RANBP17: variants seen among roughly 807,000 people sequenced by gnomAD.
RANBP17 encodes RAN binding protein 17.
RANBP17 carries 158 observed loss-of-function variants against 141.2 expected under a neutral mutation model. The observed-to-expected ratio is 1.12, with a 90% CI of 0.98 to 1.28. The LOEUF is 1.28. Among genes scored for constraint, RANBP17 ranks in the 50% most tolerant of loss-of-function variants. The probability of loss-of-function intolerance (pLI) is 0.00; values close to 1 mark genes in which losing one functional copy is unlikely to be tolerated. For missense variants in RANBP17, 1,438 were observed against 1,290.7 expected (o/e 1.11, Z -1.75); for synonymous variants, 430 against 450.0 (o/e 0.96, Z 0.56).
At position 171,295,616 on chromosome 5, in the gene RANBP17, AGAG is replaced by A. The variant is rs575300579; in HGVS notation, c.3043-266_3043-264del. Among the ~76,000 whole-genome samples the A allele has an allele frequency of 6.6e-5, 10 of 152,328 alleles. No individual in the cohort carries two copies. The East Asian group carries it at 1.9e-3, about 29-fold the overall frequency. On this transcript the variant is annotated intron_variant, in intron 26 of 27. Coordinates refer to ENST00000523189, the MANE Select transcript of RANBP17 (RefSeq NM_022897.5). ...GAAAAGCATGCATTCAGTCCCCCAC[AGAG>A]GAGGCAAGGACTTCATCAGCCTAAG...
chr5:171,195,018 G>A (rs575257450), intron 18 of RANBP17, among the ~76,000 whole-genome samples: 61 of 152,116 alleles, frequency 4.0e-4, no homozygotes, highest in Non-Finnish European at 7.5e-4. Context: ...GAGACACAGC[G>A]GAGGTGATTA....
intron 14 of RANBP17, among the ~76,000 whole-genome samples, chr5:170,982,840 G>A (rs1472633502): frequency 6.6e-6 from 1 of 152,140 alleles, no homozygotes. Flanking sequence ...AGCTTCCAGA[G>A]AGAAGAGGGG....
intron 16 of RANBP17, among the ~76,000 whole-genome samples, chr5:171,173,106 A>G (rs962716027): frequency 1.3e-5 from 2 of 152,036 alleles, no homozygotes; most frequent in Middle Eastern, 3.2e-3. Flanking sequence ...CAGTTATTTG[A>G]ATTATAAATC....
chr5:171,176,630 A>T (rs1760501118), intron 16 of RANBP17, among the ~76,000 whole-genome samples: 1 of 152,200 alleles, frequency 6.6e-6, no homozygotes, highest in Admixed American at 6.6e-5. Context: ...TTCTGTTTAA[A>T]TTTAACTCAG....
rs570716370 is a variant in RANBP17 at position 171,248,381 on chromosome 5, A to G, written c.2776+5561A>G. 2.0e-4 allele frequency among the ~76,000 whole-genome samples: 30 copies of G among 152,052 alleles called. No individual in the cohort carries two copies. The South Asian group carries it at 6.2e-3, about 32-fold the overall frequency. ...GACTCCATCTCAAAAAAAAAAAAAA[A>G]AAGAACTCACAGGAAACATTTAAGG... On this transcript the variant is annotated intron_variant, in intron 24 of 27. Transcript: ENST00000523189.
intron 14 of RANBP17, among the ~76,000 whole-genome samples, chr5:171,082,197 T>G (rs938068985): frequency 6.6e-6 from 1 of 151,842 alleles, no homozygotes; most frequent in Admixed American, 6.6e-5. Flanking sequence ...TAGAATATCT[T>G]ACCTTTGTTT....
At chr5:170,960,521 T>C (rs1318663965) in intron 13 of RANBP17, among the ~76,000 whole-genome samples, 2 of 152,176 alleles carry the variant, frequency 1.3e-5, no homozygotes, top group African/African-American at 4.8e-5. Flanking sequence ...ACTTTTTCCC[T>C]TTTTCTCTCT....
chr5:170,906,730 T>C (rs1353966627), intron 5 of RANBP17, among the ~76,000 whole-genome samples: 1 of 151,964 alleles, frequency 6.6e-6, no homozygotes, highest in African/African-American at 2.4e-5. Flanking sequence ...ATTATTTGTT[T>C]TGTTGCTCAG....
intron 18 of RANBP17, among the ~76,000 whole-genome samples, chr5:171,192,990 G>T (rs1267246365): frequency 1.3e-5 from 2 of 152,266 alleles, no homozygotes; most frequent in Admixed American, 6.5e-5. Flanking sequence ...ATATAACTTA[G>T]AAGTGGTATC....
At chr5:170,877,010 G>A (rs1182709959) in intron 1 of RANBP17, among the ~76,000 whole-genome samples, 1 of 152,068 alleles carries the variant, frequency 6.6e-6, no homozygotes, top group Non-Finnish European at 1.5e-5. Flanking sequence ...ATTTTTTGGA[G>A]AGGAGTGCTG....
intron 5 of RANBP17, among the ~76,000 whole-genome samples, chr5:170,907,324 G>A (rs2127414629): frequency 6.6e-6 from 1 of 151,944 alleles, no homozygotes; most frequent in Admixed American, 6.6e-5. Context: ...TCAAAATATT[G>A]GATATCTAAA....
intron 11 of RANBP17, among the ~76,000 whole-genome samples, chr5:170,921,383 C>T (rs1470403949): frequency 6.6e-6 from 1 of 152,150 alleles, no homozygotes; most frequent in Non-Finnish European, 1.5e-5. Context: ...TCAGGTTTGA[C>T]AAAGATCAGA....
chr5:171,178,671 T>C (rs1760680483), intron 16 of RANBP17, among the ~76,000 whole-genome samples: 1 of 152,296 alleles, frequency 6.6e-6, no homozygotes, highest in East Asian at 1.9e-4. Context: ...TCCACAGCCT[T>C]GCCAGCATCT....
intron 5 of RANBP17, among the ~76,000 whole-genome samples, chr5:170,902,366 TC>T (rs1770714510): frequency 6.6e-6 from 1 of 152,234 alleles, no homozygotes; most frequent in African/African-American, 2.4e-5. Context: ...GTTTTTCAGC[TC>T]CATCAGGTCA....
At chr5:171,063,033 G>T (rs528983247) in intron 14 of RANBP17, among the ~76,000 whole-genome samples, 126 of 151,986 alleles carry the variant, frequency 8.3e-4, no homozygotes, top group Non-Finnish European at 1.3e-3. Flanking sequence ...GCACTTCTCT[G>T]TATTGGTTAT....
chr5:171,001,226 G>T (rs886290301), intron 14 of RANBP17, among the ~76,000 whole-genome samples: 1 of 152,062 alleles, frequency 6.6e-6, no homozygotes, highest in South Asian at 2.1e-4. Flanking sequence ...GGGGTAAGGG[G>T]TGATATTGTG....
At chr5:170,919,828 C>T (rs188865845) in intron 11 of RANBP17, among the ~76,000 whole-genome samples, 3 of 152,144 alleles carry the variant, frequency 2.0e-5, no homozygotes, top group African/African-American at 7.2e-5. Flanking sequence ...AGCCCCTCTC[C>T]TCACCCTCAT....
At chr5:171,287,791 A>T (rs1768263704) in intron 25 of RANBP17, among the ~76,000 whole-genome samples, 1 of 151,916 alleles carries the variant, frequency 6.6e-6, no homozygotes, top group Non-Finnish European at 1.5e-5. Context: ...CAGTGGCATG[A>T]TCTCAGCTCA....
chr5:171,213,713 C>A lies in RANBP17; in HGVS notation c.2314C>A (p.Leu772Ile). 6.2e-7 allele frequency: 1 copy of A among 1,613,284 alleles called. No individual in the cohort carries two copies. Among genetic ancestry groups the A allele is most frequent in the Non-Finnish European group, 8.5e-7 (1 of 1,179,320 alleles). Reference sequence around the variant, plus strand: ...AACATGTACAACTCCCATCTTGAAACTTATGGCAGAACTTATGCAAAACAG... The same window carrying A: ...AACATGTACAACTCCCATCTTGAAAATTATGGCAGAACTTATGCAAAACAG... ...EPTCTTPILK[L>I]MAELMQNRSQ... is the part of the protein sequence containing the mutation. The change falls in exon 21 of 28, where the codon CTT becomes ATT. Residue 772 changes from leucine (L) to isoleucine (I), a missense_variant. Physicochemically the swap from Leu to Ile is conservative, Grantham distance 5. Transcript: ENST00000523189.
Sources: allele counts gnomAD v4.1 joint callset (sites outside exome capture counted in the v4.1 genomes callset), GRCh38; gene constraint gnomAD v4.1.1; transcripts MANE v1.5; gene names NCBI Gene and HGNC (gene_info 2026-07-23, HGNC 2026-07-21).